The following PSPH variants were observed in gnomAD, a reference collection of about 807,000 sequenced individuals.
PSPH encodes the protein L-3-phosphoserine phosphatase.
Under a neutral mutation model 23.4 loss-of-function variants are expected in PSPH, and 16 were observed. The ratio of observed to expected loss-of-function variants is 0.68; its 90% CI spans 0.46 to 1.04. PSPH has a LOEUF of 1.04. Among genes scored for constraint, PSPH ranks in the 50% least tolerant of loss-of-function variants. The probability of loss-of-function intolerance (pLI) is 0.00; values close to 1 mark genes in which losing one functional copy is unlikely to be tolerated. For synonymous variants in PSPH, 68 were observed against 99.7 expected, an observed-to-expected ratio of 0.68 and a Z score of 1.89; for missense variants, 223 against 273.7, an observed-to-expected ratio of 0.81 and a Z score of 1.31.
At chr7:56,012,105 T>C (rs1477830480) in intron 7 of PSPH, among the ~76,000 whole-genome samples, 1 of 151,732 alleles carries the variant, frequency 6.6e-6, no homozygotes, top group Non-Finnish European at 1.5e-5. Flanking sequence ...CTTGCTATGT[T>C]GCCAGGCTGC....
intron 1 of PSPH, among the ~76,000 whole-genome samples, chr7:56,047,366 G>C (rs967529122): frequency 6.6e-6 from 1 of 151,674 alleles, no homozygotes; most frequent in Non-Finnish European, 1.5e-5. Context: ...TCCAGCCTGG[G>C]CGACAGGGTG....
At chr7:56,020,148 G>A (rs956107704) in intron 4 of PSPH, among the ~76,000 whole-genome samples, 14 of 151,626 alleles carry the variant, frequency 9.2e-5, no homozygotes, top group Non-Finnish European at 1.9e-4. Flanking sequence ...GAACCCGGGA[G>A]GCAGAGGTTG....
chr7:56,024,195 G>A (rs1330055964), intron 3 of PSPH, among the ~76,000 whole-genome samples: 1 of 151,756 alleles, frequency 6.6e-6, no homozygotes, highest in Non-Finnish European at 1.5e-5. Context: ...GATTACAAGC[G>A]TGAGCCACCG....
chr7:56,031,068 G>A (rs1476677767), intron 3 of PSPH, among the ~76,000 whole-genome samples: 4 of 150,518 alleles, frequency 2.7e-5, no homozygotes, highest in East Asian at 2.0e-4. Flanking sequence ...AAAATTAGCC[G>A]GGCGCGGTGG....
rs796941612 is a variant in PSPH, at chr7:56,039,790, A to T, written c.-291-5684T>A. 3.0e-3 allele frequency among the ~76,000 whole-genome samples: 441 copies of T among 148,990 alleles called. 2 individuals carry two copies. The highest frequency in any genetic ancestry group is 0.01 in the African/African-American group (414 of 40,366). ...ACTCTGTCTCAAAAAAAAAAAAAAA[A>T]AAATTAAAAAAAAAAAAACAATATA... On this transcript the variant is annotated intron_variant, in intron 1 of 7. Transcript: ENST00000275605.
At chr7:56,024,318 C>T (rs1298218758) in intron 3 of PSPH, among the ~76,000 whole-genome samples, 6 of 151,736 alleles carry the variant, frequency 4.0e-5, no homozygotes, top group Admixed American at 1.3e-4. Flanking sequence ...CTCAAGTGAA[C>T]CTTCCATCAT....
chr7:56,026,348 C>T (rs903361430), intron 3 of PSPH, among the ~76,000 whole-genome samples: 2 of 148,498 alleles, frequency 1.3e-5, no homozygotes, highest in Admixed American at 6.7e-5. Flanking sequence ...TGGTGGCAGG[C>T]ACCTGTAATC....
intron 6 of PSPH, among the ~76,000 whole-genome samples, chr7:56,015,939 G>A (rs144812951): frequency 0.032 from 4,841 of 152,036 alleles, 97 homozygotes; most frequent in African/African-American, 0.037. Context: ...GATTACAGGC[G>A]TGAGCCACCA....
intron 3 of PSPH, among the ~76,000 whole-genome samples, chr7:56,028,247 C>T (rs1790486751): frequency 6.6e-6 from 1 of 151,980 alleles, no homozygotes; most frequent in Non-Finnish European, 1.5e-5. Context: ...TTTTTAGAGA[C>T]AAGGTCTCAC....
At chr7:56,029,484 C>A (rs1315083569) in intron 3 of PSPH, among the ~76,000 whole-genome samples, 6 of 127,594 alleles carry the variant, frequency 4.7e-5, no homozygotes, top group East Asian at 2.8e-4. Flanking sequence ...AGCAAAGGAC[C>A]AACTGATTAA....
rs1290082461 is a variant in PSPH, at chr7:56,016,278, C to A, written c.421+956G>T. On this transcript the variant is annotated intron_variant, in intron 6 of 7. Coordinates refer to ENST00000275605, the MANE Select transcript of PSPH (RefSeq NM_004577.4). The stretch of plus-strand genomic sequence containing the variant: ...AATTAGCCAGGTGTGGTGGTGGGCA[C>A]CTGTAATCCCAGCTACTTGGGAGGC... Among the ~76,000 whole-genome samples the A allele has an allele frequency of 2.0e-5, 3 of 151,212 alleles. No individual in the cohort carries two copies. The East Asian group carries it at 6.0e-4, about 30-fold the overall frequency.
chr7:56,022,870 C>T (rs1195343648), intron 3 of PSPH, among the ~76,000 whole-genome samples: 1 of 152,080 alleles, frequency 6.6e-6, no homozygotes, highest in African/African-American at 2.4e-5. Context: ...ACCATCCTGG[C>T]CAACATGGCA....
intron 3 of PSPH, among the ~76,000 whole-genome samples, chr7:56,027,226 AAAG>A (rs1285951323): frequency 6.6e-6 from 1 of 151,810 alleles, no homozygotes; most frequent in Non-Finnish European, 1.5e-5. Context: ...AAAAAAAAAA[AAAG>A]AAGATGCATG....
chr7:56,031,416 T>C (rs1389293709), intron 3 of PSPH, among the ~76,000 whole-genome samples: 1 of 152,118 alleles, frequency 6.6e-6, no homozygotes, highest in African/African-American at 2.4e-5. Flanking sequence ...TCCTTAAAGC[T>C]AAAATAAAAG....
At position 56,011,697 on chromosome 7, in the gene PSPH, A is replaced by G. The variant is rs547269805; in HGVS notation, c.*65T>C. 235 of 1,303,694 alleles carry G rather than the reference A, an allele frequency of 1.8e-4. No individual in the cohort carries two copies. In the African/African-American group the frequency reaches 3.2e-3, roughly 18 times the overall value. 80.8% of individuals were successfully genotyped at this position (1,303,694 alleles called of 1,614,324 possible). A position where few individuals can be genotyped will look rare whatever the true frequency, so the allele number is the denominator to read the frequency against. On this transcript the variant is annotated 3_prime_UTR_variant, in exon 8 of 8. Coordinates refer to ENST00000275605, the MANE Select transcript of PSPH (RefSeq NM_004577.4). ...TTGTAATAGGCAACTGTAAGCAAACAGTATCAATCTGTATAACTTGTAAAA... is the reference window on the plus strand; with the variant it reads ...TTGTAATAGGCAACTGTAAGCAAACGGTATCAATCTGTATAACTTGTAAAA...
At chr7:56,038,473 A>G (rs59723101) in intron 1 of PSPH, among the ~76,000 whole-genome samples, 33,245 of 151,458 alleles carry the variant, frequency 0.22, 3,808 homozygotes, top group East Asian at 0.4. Context: ...ACAAACAGAC[A>G]AAAAACACTG....
At chr7:56,031,295 A>G (rs887414661) in intron 3 of PSPH, among the ~76,000 whole-genome samples, 2 of 152,092 alleles carry the variant, frequency 1.3e-5, no homozygotes, top group African/African-American at 4.8e-5. Flanking sequence ...GAGGGCAAGG[A>G]CTGAGAAACT....
At chr7:56,035,911 C>T (rs1791668183) in intron 1 of PSPH, among the ~76,000 whole-genome samples, 1 of 151,816 alleles carries the variant, frequency 6.6e-6, no homozygotes, top group Non-Finnish European at 1.5e-5. Context: ...TGAGCCACCA[C>T]GCCCAGCCTG....
rs1441460673 is a variant in PSPH at position 56,024,088 on chromosome 7, C to T, written c.-19-2857G>A. On this transcript the variant is annotated intron_variant, in intron 3 of 7. Coordinates refer to ENST00000275605, the MANE Select transcript of PSPH (RefSeq NM_004577.4). ...GACTACAGGTGCCTGCCACCACGCC[C>T]GGCTAATTTTTTGTATTTTTAGTAG... 5.9e-5 allele frequency among the ~76,000 whole-genome samples: 9 copies of T among 151,564 alleles called. No homozygotes were observed. The East Asian group carries it at 9.7e-4, about 16-fold the overall frequency.
Sources: gnomAD v4.1 joint callset for allele counts (sites outside exome capture counted in the v4.1 genomes callset) on GRCh38, gnomAD v4.1.1 for gene constraint, MANE v1.5 for transcripts, NCBI Gene and HGNC (gene_info 2026-07-23, HGNC 2026-07-21) for gene names.